Variants in PSMD6 observed in about 807,000 individuals in gnomAD.
The protein encoded by PSMD6 is 26S proteasome non-ATPase regulatory subunit 6.
A neutral mutation model predicts 44.9 loss-of-function variants in PSMD6; 7 were observed. The ratio of observed to expected loss-of-function variants is 0.16; its 90% CI spans 0.09 to 0.29. The LOEUF is 0.29. PSMD6 is among the 10% of genes least tolerant of loss of function. The pLI is 1.00. For missense variants in PSMD6, 420 were observed against 482.6 expected, an observed-to-expected ratio of 0.87 and a Z score of 1.21; for synonymous variants, 184 against 172.7, an observed-to-expected ratio of 1.07 and a Z score of -0.51.
At chr3:64,016,034 A>G (rs560179729) in intron 5 of PSMD6, 1 of 152,100 alleles carries the variant, frequency 6.6e-6, no homozygotes, top group East Asian at 1.9e-4. Context: ...AAAAATACAA[A>G]AAATTAGCCG....
chr3:64,016,505 A>T (rs948764764), intron 5 of PSMD6: 2 of 152,166 alleles, frequency 1.3e-5, no homozygotes, highest in Non-Finnish European at 2.9e-5. Context: ...TAGTTAGCAA[A>T]GGAGGCAAAC....
At chr3:64,020,196 C>T (rs964214257) in intron 2 of PSMD6, among the ~76,000 whole-genome samples, 4 of 152,050 alleles carry the variant, frequency 2.6e-5, no homozygotes, top group East Asian at 1.9e-4. Flanking sequence ...AGTGTCTTGA[C>T]GGAGCCTCTG....
rs1339924738 is a variant in PSMD6 at position 64,010,963 on chromosome 3, A to AATT, written c.996-9_996-8insAAT. 1.0e-5 allele frequency: 16 copies of AATT among 1,576,210 alleles called. No homozygotes were observed. The highest frequency in any genetic ancestry group is 1.4e-5 in the Non-Finnish European group (16 of 1,158,106). On this transcript the variant is annotated splice_polypyrimidine_tract_variant and intron_variant, in intron 6 of 7. Transcript: ENST00000295901. Reference sequence around the variant, plus strand: ...ATAAACCTGGACAGTTCCCTAATTTAGAGACAAAAAATAACAGAATTAGCT... The same window carrying AATT: ...ATAAACCTGGACAGTTCCCTAATTTAATTGAGACAAAAAATAACAGAATTAGCT...
chr3:64,012,434 TAAACAGCAC>T (rs1357507362), intron 6 of PSMD6: 16 of 152,290 alleles, frequency 1.1e-4, no homozygotes, highest in Admixed American at 8.5e-4. Context: ...TAAGAGCTAC[TAAACAGCAC>T]AACTGGTCCT....
chr3:64,016,001 C>A (rs1028069120), intron 5 of PSMD6: 1 of 152,034 alleles, frequency 6.6e-6, no homozygotes, highest in African/African-American at 2.4e-5. Context: ...TCCTGGCTAA[C>A]ACAGTGAAAC....
chr3:64,017,527 T>C (rs2076064754), intron 5 of PSMD6: 1 of 152,068 alleles, frequency 6.6e-6, no homozygotes, highest in Non-Finnish European at 1.5e-5. Context: ...ACCTCAAGCA[T>C]AAAAAAGGGA....
At chr3:64,019,254 A>T (rs753199380) in intron 3 of PSMD6, 42 bp downstream of exon 3, 9 of 1,531,630 alleles carry the variant, frequency 5.9e-6, no homozygotes, top group Non-Finnish European at 8.1e-6. Context: ...CATTTGTAGC[A>T]TCATAATTTA....
intron 5 of PSMD6, chr3:64,014,769 T>C (rs1041624978): frequency 1.3e-5 from 2 of 152,200 alleles, no homozygotes; most frequent in African/African-American, 4.8e-5. Flanking sequence ...AACAGCCAAG[T>C]GAGGACACTA....
At chr3:64,012,417 TCTC>T (rs1288154673) in intron 6 of PSMD6, 1 of 152,168 alleles carries the variant, frequency 6.6e-6, no homozygotes, top group Non-Finnish European at 1.5e-5. Context: ...CACGGTAACA[TCTC>T]CTCTAAGAGC....
At chr3:64,023,119 A>G in intron 1 of PSMD6, 156 bp downstream of exon 1, 1 of 1,424,228 alleles carries the variant, frequency 7.0e-7, no homozygotes, top group Non-Finnish European at 9.1e-7. Context: ...GTATCCCCAA[A>G]CCAAAGCAAA....
At chr3:64,014,727 C>T (rs1487966654) in intron 5 of PSMD6, 1 of 152,194 alleles carries the variant, frequency 6.6e-6, no homozygotes, top group East Asian at 1.9e-4. Context: ...TTCAAGCATA[C>T]TTTGGCAGTG....
chr3:64,023,603 C>A, upstream of PSMD6: 1 of 1,413,928 alleles, frequency 7.1e-7, no homozygotes. Context: ...GCGCCTGCGC[C>A]CCTGTGTGGT....
At position 64,023,054 on chromosome 3, in the gene PSMD6, G is replaced by A. The variant is rs917596262; in HGVS notation, c.145+221C>T. The A allele has an allele frequency of 4.9e-6, 7 of 1,428,986 alleles. No homozygotes were observed. The East Asian group carries it at 1.0e-4, about 21-fold the overall frequency. 88.5% of individuals were successfully genotyped at this position (1,428,986 alleles called of 1,614,324 possible). On this transcript the variant is annotated intron_variant, in intron 1 of 7. Coordinates refer to ENST00000295901, the MANE Select transcript of PSMD6 (RefSeq NM_014814.3). ...TTCTCCCCCAAGCTGCCCTTACAGG[G>A]GAAGGCGGCACAGAGAGATGCAGAC...
intron 1 of PSMD6, 64 bp downstream of exon 1, chr3:64,023,211 A>T: frequency 6.7e-7 from 1 of 1,485,032 alleles, no homozygotes; most frequent in Non-Finnish European, 9.0e-7. Context: ...AAGTCCCCGC[A>T]GGCTCCGGAA....
At position 64,023,458 on chromosome 3, in the gene PSMD6, G is replaced by C. The variant is rs773887548; in HGVS notation, c.-39C>G. ...ACAGCGGCTGACAGGACACAACTTG[G>C]TTACGACCGGCTGCGGCAGCGGAAG... is the stretch of plus-strand genomic sequence containing the variant. On this transcript the variant is annotated 5_prime_UTR_variant, in exon 1 of 8. Coordinates refer to ENST00000295901, the MANE Select transcript of PSMD6 (RefSeq NM_014814.3). 1.2e-5 allele frequency: 19 copies of C among 1,527,096 alleles called. No homozygotes were observed. Among genetic ancestry groups the C allele is most frequent in the Non-Finnish European group, 1.6e-5 (18 of 1,129,684 alleles). 94.6% of individuals were successfully genotyped at this position (1,527,096 alleles called of 1,614,324 possible).
intron 5 of PSMD6, chr3:64,016,685 G>GT (rs2076049467): frequency 2.0e-5 from 3 of 152,120 alleles, no homozygotes; most frequent in South Asian, 2.1e-4. Flanking sequence ...ACAGAAAATA[G>GT]TAAGTACTGG....
At chr3:64,019,638 A>G in intron 2 of PSMD6, 197 bp from the exon 3 acceptor site, 1 of 489,232 alleles carries the variant, frequency 2.0e-6, no homozygotes, top group Non-Finnish European at 3.5e-6. Context: ...CTACCTGTAT[A>G]AAGTTTAAAA....
intron 1 of PSMD6, chr3:64,022,795 C>G (rs1362397016): frequency 6.5e-7 from 1 of 1,536,190 alleles, no homozygotes; most frequent in Non-Finnish European, 8.7e-7. Flanking sequence ...GATTCTGTTC[C>G]AAAAGTCTTC....
intron 6 of PSMD6, 122 bp from the exon 7 acceptor site, chr3:64,011,077 T>C (rs991487604): frequency 2.6e-6 from 2 of 763,726 alleles, no homozygotes; most frequent in South Asian, 1.8e-5. Flanking sequence ...AAGCTTGTTA[T>C]TGCACATGCA....
Sources: allele counts gnomAD v4.1 joint callset (sites outside exome capture counted in the v4.1 genomes callset), GRCh38; gene constraint gnomAD v4.1.1; transcripts MANE v1.5; gene names NCBI Gene and HGNC (gene_info 2026-07-23, HGNC 2026-07-21).